The following ACVR1 variants were observed in gnomAD, a reference collection of about 807,000 sequenced individuals.
ACVR1 encodes activin A receptor type 1, also known as activin receptor type-1.
ACVR1 carries 38 observed loss-of-function variants against 57.1 expected under a neutral mutation model. That is an observed-to-expected ratio of 0.67 (90% CI 0.51 to 0.87). The LOEUF is 0.87. Among genes scored for constraint, ACVR1 ranks in the 40% least tolerant of loss-of-function variants. ACVR1 has a pLI of 0.00. For missense variants in ACVR1, 463 were observed against 638.2 expected, an observed-to-expected ratio of 0.73 and a Z score of 2.96; for synonymous variants, 212 against 228.1, an observed-to-expected ratio of 0.93 and a Z score of 0.63.
chr2:157,751,303 G>A (rs113374778), intron 9 of ACVR1, among the ~76,000 whole-genome samples: 2,579 of 152,336 alleles, frequency 0.017, 66 homozygotes, highest in African/African-American at 0.056. Flanking sequence ...ATGCCCTATG[G>A]GCTCTCTTGG....
In ACVR1 at chr2:157,802,992, G is replaced by A. The variant is rs114417655; in HGVS notation, c.-7-3492C>T. On this transcript the variant is annotated intron_variant, in intron 2 of 10. Coordinates refer to ENST00000434821, the MANE Select transcript of ACVR1 (RefSeq NM_001111067.4). ...CCCACCATGCACACAGACACACACA[G>A]AGAGACCTGCAAAGGAATGGCAAGA... 8.7e-3 allele frequency among the ~76,000 whole-genome samples: 1,317 copies of A among 152,118 alleles called. 7 individuals carry two copies. Among genetic ancestry groups the A allele is most frequent in the Non-Finnish European group, 0.012 (840 of 67,994 alleles).
intron 3 of ACVR1, among the ~76,000 whole-genome samples, chr2:157,788,090 G>A (rs1686779045): frequency 1.3e-5 from 2 of 152,148 alleles, no homozygotes; most frequent in South Asian, 4.1e-4. Context: ...TTTAGGCACT[G>A]TGACACCCAC....
intron 3 of ACVR1, among the ~76,000 whole-genome samples, chr2:157,794,442 TCAAA>T: frequency 6.6e-6 from 1 of 152,190 alleles, no homozygotes; most frequent in South Asian, 2.1e-4. Context: ...TCTCACGCTC[TCAAA>T]CAGACTGGAT....
rs1265840923 is a variant in ACVR1 at position 157,812,271 on chromosome 2, G to A, written c.-8+6114C>T. On this transcript the variant is annotated intron_variant, in intron 2 of 10. Coordinates refer to ENST00000434821, the MANE Select transcript of ACVR1 (RefSeq NM_001111067.4). ...CCAAAATCTAGCAAGAAAGAAGCTG[G>A]AGGTCAAATGGCCAGGTTCTTCAAC... Among the ~76,000 whole-genome samples, 2 of 152,150 alleles carry A rather than the reference G, an allele frequency of 1.3e-5. 1 individual carries two copies. Among genetic ancestry groups the A allele is most frequent in the Non-Finnish European group, 2.9e-5 (2 of 68,024 alleles).
intron 9 of ACVR1, 94 bp from the exon 10 acceptor site, chr2:157,738,664 G>C: frequency 6.4e-7 from 1 of 1,573,772 alleles, no homozygotes. Flanking sequence ...TAATGTGACA[G>C]AAGAAAATAC....
chr2:157,836,483 C>T (rs894572223), intron 1 of ACVR1, among the ~76,000 whole-genome samples: 2 of 152,182 alleles, frequency 1.3e-5, no homozygotes, highest in Admixed American at 1.3e-4. Context: ...TTTTATCCAC[C>T]ACCTTATATC....
At chr2:157,799,214 G>A (rs539980093) in intron 3 of ACVR1, among the ~76,000 whole-genome samples, 1 of 152,042 alleles carries the variant, frequency 6.6e-6, no homozygotes, top group African/African-American at 2.4e-5. Flanking sequence ...ATTTTAAGTA[G>A]AAAATTAGGT....
At chr2:157,856,736 T>C (rs971041170) in intron 1 of ACVR1, among the ~76,000 whole-genome samples, 2 of 152,166 alleles carry the variant, frequency 1.3e-5, no homozygotes, top group African/African-American at 4.8e-5. Flanking sequence ...TCAAAAAATA[T>C]TTTTTAAATG....
intron 3 of ACVR1, among the ~76,000 whole-genome samples, chr2:157,782,096 A>G (rs760503018): frequency 4.6e-5 from 7 of 152,228 alleles, no homozygotes; most frequent in Non-Finnish European, 1.5e-5. Context: ...AAGTTCATTT[A>G]CACAGATTTG....
At chr2:157,760,762 C>T in intron 9 of ACVR1, 118 bp downstream of exon 9, 1 of 1,032,948 alleles carries the variant, frequency 9.7e-7, no homozygotes, top group Non-Finnish European at 1.4e-6. Context: ...ATGCCTATAA[C>T]TCGACACGTA....
At chr2:157,796,479 GGGA>G (rs1013578086) in intron 3 of ACVR1, among the ~76,000 whole-genome samples, 12 of 152,178 alleles carry the variant, frequency 7.9e-5, no homozygotes, top group African/African-American at 1.4e-4. Context: ...ACTTGAGCCT[GGGA>G]GGAGAAGGTT....
intron 1 of ACVR1, among the ~76,000 whole-genome samples, chr2:157,838,624 GCTT>G (rs1033036054): frequency 9.9e-5 from 15 of 152,084 alleles, no homozygotes; most frequent in African/African-American, 3.6e-4. Flanking sequence ...GTTTAAGTGT[GCTT>G]TCTGCTTAGC....
intron 7 of ACVR1, among the ~76,000 whole-genome samples, 159 bp from the exon 8 acceptor site, chr2:157,766,355 A>G (rs1209230537): frequency 1.3e-5 from 2 of 152,260 alleles, no homozygotes; most frequent in Non-Finnish European, 2.9e-5. Flanking sequence ...ATCAACAGAG[A>G]AAAATAATAG....
intron 2 of ACVR1, among the ~76,000 whole-genome samples, chr2:157,805,802 GT>G (rs968141904): frequency 1.2e-4 from 16 of 131,582 alleles, no homozygotes; most frequent in East Asian, 9.4e-4. Flanking sequence ...GTTTGTTTGG[GT>G]TTTTTTTTTC....
intron 8 of ACVR1, among the ~76,000 whole-genome samples, chr2:157,765,567 GA>G (rs138004434): frequency 0.027 from 4,090 of 152,020 alleles, 106 homozygotes; most frequent in African/African-American, 0.068. Context: ...AATTTTACCT[GA>G]AAAAAAGAAA....
intron 1 of ACVR1, among the ~76,000 whole-genome samples, chr2:157,869,248 T>G (rs1690037373): frequency 6.6e-6 from 1 of 152,132 alleles, no homozygotes; most frequent in Admixed American, 6.5e-5. Context: ...TTAATCTGAT[T>G]TGGAAACAAT....
chr2:157,777,043 C>T (rs2105276129), intron 5 of ACVR1, among the ~76,000 whole-genome samples: 1 of 152,320 alleles, frequency 6.6e-6, no homozygotes, highest in South Asian at 2.1e-4. Context: ...GCATCAGACT[C>T]AGCATAATAT....
rs193146947 is a variant in ACVR1, at chr2:157,825,429, G to A, written c.-182-6870C>T. 2.3e-3 allele frequency among the ~76,000 whole-genome samples: 348 copies of A among 152,252 alleles called. 2 individuals are homozygous for A. Among genetic ancestry groups the A allele is most frequent in the Middle Eastern group, 0.01 (3 of 294 alleles). On this transcript the variant is annotated intron_variant, in intron 1 of 10. Coordinates refer to ENST00000434821, the MANE Select transcript of ACVR1 (RefSeq NM_001111067.4). Reference sequence around the variant, plus strand: ...GCCAGGGGTCCCCAACCCCCAGGCTGTGGACGGGTACTGGTCCATGGCCTG... The same window carrying A: ...GCCAGGGGTCCCCAACCCCCAGGCTATGGACGGGTACTGGTCCATGGCCTG...
chr2:157,762,244 G>C (rs909999278), intron 8 of ACVR1, among the ~76,000 whole-genome samples: 2 of 152,206 alleles, frequency 1.3e-5, no homozygotes, highest in Non-Finnish European at 2.9e-5. Flanking sequence ...GTACAATTAA[G>C]TATTTTGAGA....
Sources: allele counts gnomAD v4.1 joint callset (sites outside exome capture counted in the v4.1 genomes callset), GRCh38; gene constraint gnomAD v4.1.1; transcripts MANE v1.5; gene names NCBI Gene and HGNC (gene_info 2026-07-23, HGNC 2026-07-21).